The following PRKG1 variants were observed in gnomAD, a reference collection of about 807,000 sequenced individuals.
PRKG1 encodes protein kinase cGMP-dependent 1.
PRKG1 carries 35 observed loss-of-function variants against 88.1 expected under a neutral mutation model. The observed-to-expected ratio is 0.40, with a 90% confidence interval of 0.30 to 0.53. The LOEUF (loss-of-function observed/expected upper bound fraction) is 0.53, where lower values mean the gene tolerates loss of function less well. PRKG1 is among the 20% of genes least tolerant of loss of function. The pLI, the probability that PRKG1 is intolerant of heterozygous loss-of-function variation, is 0.59. For missense variants in PRKG1, 540 were observed against 839.8 expected, an observed-to-expected ratio of 0.64 and a Z score of 4.41; for synonymous variants, 303 against 292.5, an observed-to-expected ratio of 1.04 and a Z score of -0.37.
At chr10:51,535,584 A>G (rs1842125769) in intron 3 of PRKG1, among the ~76,000 whole-genome samples, 1 of 152,194 alleles carries the variant, frequency 6.6e-6, no homozygotes, top group Admixed American at 6.5e-5. Context: ...TTTCTTGGCT[A>G]TCAGCAATTA....
chr10:51,568,400 A>C (rs939142455), intron 3 of PRKG1: 1 of 150,488 alleles, frequency 6.6e-6, no homozygotes, highest in Non-Finnish European at 1.5e-5. Context: ...TATATTTTTT[A>C]ATTGTTGTTT....
chr10:51,639,184 C>T (rs964679433), intron 3 of PRKG1, among the ~76,000 whole-genome samples: 3 of 151,768 alleles, frequency 2.0e-5, no homozygotes, highest in African/African-American at 7.3e-5. Flanking sequence ...CCTGTAATCT[C>T]AGCACTTTGT....
At chr10:51,150,846 T>C (rs559780048) in intron 1 of PRKG1, among the ~76,000 whole-genome samples, 4 of 152,182 alleles carry the variant, frequency 2.6e-5, no homozygotes, top group African/African-American at 9.6e-5. Flanking sequence ...GGCTCATTGT[T>C]TAATCTTTTG....
At chr10:52,218,654 T>G (rs1440465896) in intron 9 of PRKG1, among the ~76,000 whole-genome samples, 1 of 152,168 alleles carries the variant, frequency 6.6e-6, no homozygotes, top group Non-Finnish European at 1.5e-5. Flanking sequence ...CTACACTCAT[T>G]ACTTTAGAAA....
chr10:51,371,046 A>ATT (rs35636629), intron 2 of PRKG1, among the ~76,000 whole-genome samples: 1 of 150,928 alleles, frequency 6.6e-6, no homozygotes, highest in African/African-American at 2.4e-5. Flanking sequence ...ATAGTTTTTC[A>ATT]TTTTTTTTTA....
intron 2 of PRKG1, among the ~76,000 whole-genome samples, chr10:51,464,890 CAAAAAAAAAA>C (rs11316369): frequency 2.3e-5 from 2 of 88,164 alleles, no homozygotes; most frequent in African/African-American, 8.3e-5. Context: ...GACTCCGTCT[CAAAAAAAAAA>C]AAAAAAAAAA....
At chr10:51,136,661 T>C (rs1845692517) in intron 1 of PRKG1, among the ~76,000 whole-genome samples, 1 of 151,396 alleles carries the variant, frequency 6.6e-6, no homozygotes, top group African/African-American at 2.4e-5. Context: ...AATAGCAAAA[T>C]TATGTCATAT....
chr10:51,183,680 A>AT lies in PRKG1; in HGVS notation c.478+30358dup, dbSNP rs367719645. ...TGACATTCCATTGCATTTCCATTGC[A>AT]TTTTTTTTCTACTTGCCTATATTTA... On this transcript the variant is annotated intron_variant, in intron 2 of 17. Coordinates refer to ENST00000373980, the MANE Select transcript of PRKG1 (RefSeq NM_006258.4). Among the ~76,000 whole-genome samples the AT allele has an allele frequency of 4.0e-3, 615 of 152,066 alleles. 2 individuals are homozygous for AT. Among genetic ancestry groups the AT allele is most frequent in the South Asian group, 7.9e-3 (38 of 4,806 alleles).
At chr10:51,098,757 C>T (rs964637995) in intron 1 of PRKG1, among the ~76,000 whole-genome samples, 8 of 152,176 alleles carry the variant, frequency 5.3e-5, no homozygotes, top group East Asian at 1.9e-4. Flanking sequence ...CTGTATGTCA[C>T]GCACATCCTC....
intron 3 of PRKG1, among the ~76,000 whole-genome samples, chr10:51,702,410 A>G (rs1453511456): frequency 6.6e-6 from 1 of 152,172 alleles, no homozygotes; most frequent in African/African-American, 2.4e-5. Context: ...ACCTATGTAT[A>G]TTTCCTGGTA....
intron 3 of PRKG1, among the ~76,000 whole-genome samples, chr10:51,550,249 G>T (rs1347011371): frequency 6.6e-6 from 1 of 152,004 alleles, no homozygotes; most frequent in Non-Finnish European, 1.5e-5. Context: ...TGCCCCAATT[G>T]TAGTTAGAAA....
chr10:51,788,277 C>T (rs1564646987), intron 3 of PRKG1, among the ~76,000 whole-genome samples: 1 of 152,120 alleles, frequency 6.6e-6, no homozygotes, highest in South Asian at 2.1e-4. Context: ...GTGTCAATTA[C>T]AGCTTATTTT....
At chr10:51,233,536 T>G (rs908562566) in intron 2 of PRKG1, among the ~76,000 whole-genome samples, 6 of 152,292 alleles carry the variant, frequency 3.9e-5, no homozygotes, top group Non-Finnish European at 7.4e-5. Flanking sequence ...AGAGTAAACA[T>G]GGATGTGTAC....
intron 3 of PRKG1, among the ~76,000 whole-genome samples, chr10:51,488,455 A>T (rs750504830): frequency 2.6e-5 from 4 of 152,102 alleles, no homozygotes; most frequent in Non-Finnish European, 5.9e-5. Flanking sequence ...ACATTTCAGG[A>T]ATTAGATTTT....
intron 7 of PRKG1, among the ~76,000 whole-genome samples, chr10:52,124,931 G>A (rs1847897665): frequency 6.6e-6 from 1 of 152,104 alleles, no homozygotes; most frequent in Admixed American, 6.5e-5. Context: ...AAGGTCTTCA[G>A]GGGCAATAAC....
At chr10:51,347,582 A>T (rs1004286495) in intron 2 of PRKG1, among the ~76,000 whole-genome samples, 4 of 152,160 alleles carry the variant, frequency 2.6e-5, no homozygotes, top group African/African-American at 9.7e-5. Context: ...TGGTTTTCAA[A>T]TAAACTTTTT....
At chr10:52,264,694 C>T (rs983875706) in intron 10 of PRKG1, among the ~76,000 whole-genome samples, 2 of 152,046 alleles carry the variant, frequency 1.3e-5, no homozygotes, top group African/African-American at 2.4e-5. Flanking sequence ...ATTACAATTA[C>T]GGTGACTCTG....
At chr10:51,322,535 C>T (rs917801049) in intron 2 of PRKG1, among the ~76,000 whole-genome samples, 2 of 152,102 alleles carry the variant, frequency 1.3e-5, no homozygotes, top group African/African-American at 2.4e-5. Flanking sequence ...ACAGACAGAA[C>T]GAGATAATAG....
intron 1 of PRKG1, among the ~76,000 whole-genome samples, chr10:51,149,339 G>A (rs1846009682): frequency 6.6e-6 from 1 of 151,956 alleles, no homozygotes; most frequent in Admixed American, 6.6e-5. Context: ...AAACTAATGG[G>A]GGCCTATTTA....
Sources: allele counts gnomAD v4.1 joint callset (sites outside exome capture counted in the v4.1 genomes callset), GRCh38; gene constraint gnomAD v4.1.1; transcripts MANE v1.5; gene names NCBI Gene and HGNC (gene_info 2026-07-23, HGNC 2026-07-21).